WASF2: variants seen among roughly 807,000 people sequenced by gnomAD.
WASF2 encodes the protein actin-binding protein WASF2.
A neutral mutation model predicts 45.0 loss-of-function variants in WASF2; 14 were observed. The ratio of observed to expected loss-of-function variants is 0.31; its 90% CI spans 0.21 to 0.49. The LOEUF is 0.49. Among genes scored for constraint, WASF2 ranks in the 20% least tolerant of loss-of-function variants. The pLI, the probability that WASF2 is intolerant of heterozygous loss-of-function variation, is 0.99. For synonymous variants in WASF2, 200 were observed against 236.3 expected (o/e 0.85, Z 1.41); for missense variants, 439 against 636.1 (o/e 0.69, Z 3.33).
At chr1:27,474,720 C>T (rs1030380008) in intron 1 of WASF2, among the ~76,000 whole-genome samples, 16 of 151,388 alleles carry the variant, frequency 1.1e-4, no homozygotes, top group Admixed American at 6.6e-5. Context: ...TGCAGTGAGC[C>T]GAGATCATGC....
In WASF2 at chr1:27,419,002, C is replaced by T. The variant is rs748393155; in HGVS notation, c.217G>A (p.Asp73Asn). The T allele has an allele frequency of 2.6e-5, 42 of 1,613,780 alleles. No individual in the cohort carries two copies. Among genetic ancestry groups the T allele is most frequent in the East Asian group, 8.9e-5 (4 of 44,882 alleles). ...SRVSSLAERV[D>N]RLQVKVTQLD... is the part of the protein sequence containing the mutation. ...TGAGTGACTTTAACCTGTAGTCGGT[C>T]GACCCTCTCAGCAAGGGAGCTTACC... The change falls in exon 3 of 9, where the codon GAC becomes AAC. Residue 73 changes from aspartate to asparagine, a missense_variant. Physicochemically the swap from Asp to Asn is conservative, Grantham distance 23. Transcript: ENST00000618852.
At chr1:27,489,904 G>A (rs377311802) in intron 1 of WASF2, 82 bp downstream of exon 1, 19 of 152,214 alleles carry the variant, frequency 1.2e-4, no homozygotes, top group African/African-American at 4.6e-4. Flanking sequence ...AGTCCCCCGA[G>A]ACCCTGCACG....
chr1:27,422,674 T>C (rs1433119277), intron 2 of WASF2, among the ~76,000 whole-genome samples: 3 of 150,520 alleles, frequency 2.0e-5, no homozygotes, highest in African/African-American at 7.3e-5. Flanking sequence ...CTATTTATAC[T>C]CGTGTACTCA....
At chr1:27,453,662 G>C (rs990475552) in intron 1 of WASF2, among the ~76,000 whole-genome samples, 2 of 150,416 alleles carry the variant, frequency 1.3e-5, no homozygotes, top group Admixed American at 1.3e-4. Flanking sequence ...GGAGGCCAAG[G>C]CAGAAGGATC....
In WASF2 at chr1:27,473,721, A is replaced by T. The variant is rs148629010; in HGVS notation, c.-44+16265T>A. ...ATCACCAAACTTCTAAAGAAAGACC[A>T]AAACACTTCCAATATTAAACACTGA... On this transcript the variant is annotated intron_variant, in intron 1 of 8. Coordinates refer to ENST00000618852, the MANE Select transcript of WASF2 (RefSeq NM_006990.5). Among the ~76,000 whole-genome samples the T allele has an allele frequency of 2.7e-3, 412 of 152,364 alleles. 14 individuals are homozygous for T. The highest frequency in any genetic ancestry group is 0.018 in the Admixed American group (269 of 15,304).
At chr1:27,467,592 C>T (rs1022147376) in intron 1 of WASF2, among the ~76,000 whole-genome samples, 1 of 151,252 alleles carries the variant, frequency 6.6e-6, no homozygotes, top group Non-Finnish European at 1.5e-5. Flanking sequence ...TGAGCCACCA[C>T]GCCTAGCCAA....
chr1:27,454,185 ATATTTTTTT>A (rs1262121248), intron 1 of WASF2, among the ~76,000 whole-genome samples: 18 of 7,956 alleles, frequency 2.3e-3, no homozygotes, highest in African/African-American at 5.3e-3. Context: ...ATATATATAT[ATATTTTTTT>A]TTTTTTTTTT....
chr1:27,434,424 G>A (rs2017104804), intron 1 of WASF2, among the ~76,000 whole-genome samples: 1 of 152,176 alleles, frequency 6.6e-6, no homozygotes, highest in African/African-American at 2.4e-5. Context: ...TACCCAAGCT[G>A]CCATGATCTC....
rs548212135 is a variant in WASF2 at position 27,466,747 on chromosome 1, G to C, written c.-44+23239C>G. ...CTGGGTGTGGTGGTGCATGCCTGTA[G>C]TCCTAGCTACTTGGGAGGCTGAGGT... On this transcript the variant is annotated intron_variant, in intron 1 of 8. Transcript: ENST00000618852. Among the ~76,000 whole-genome samples, 275 of 152,044 alleles carry C rather than the reference G, an allele frequency of 1.8e-3. 1 individual carries two copies. The highest frequency in any genetic ancestry group is 6.1e-3 in the African/African-American group (253 of 41,482).
In WASF2 at chr1:27,418,437, A is replaced by G; in HGVS notation, c.266-15T>C. The G allele has an allele frequency of 6.2e-7, 1 of 1,614,210 alleles. No homozygotes were observed. The highest frequency in any genetic ancestry group is 8.5e-7 in the Non-Finnish European group (1 of 1,180,016). ...TTGCAGTGACACTGAGAGAAGATGGAAGGCGTTAGAAAATGGACGACAGGC... is the reference window on the plus strand; with the variant it reads ...TTGCAGTGACACTGAGAGAAGATGGGAGGCGTTAGAAAATGGACGACAGGC... On this transcript the variant is annotated splice_polypyrimidine_tract_variant and intron_variant, in intron 3 of 8. Transcript: ENST00000618852.
At chr1:27,477,911 T>TAAAA (rs1182335929) in intron 1 of WASF2, among the ~76,000 whole-genome samples, 1 of 118,964 alleles carries the variant, frequency 8.4e-6, no homozygotes, top group Admixed American at 8.2e-5. Flanking sequence ...AAAAAAAAAA[T>TAAAA]AAATAAATAA....
intron 1 of WASF2, among the ~76,000 whole-genome samples, chr1:27,439,930 G>A (rs772196599): frequency 6.6e-6 from 1 of 152,160 alleles, no homozygotes; most frequent in Admixed American, 6.5e-5. Flanking sequence ...AACGCGGGAC[G>A]TTGAAGCTGC....
rs2504765 is a variant in WASF2 at position 27,414,637 on chromosome 1, T to C, written c.668+196A>G. On this transcript the variant is annotated intron_variant, in intron 6 of 8. Transcript: ENST00000618852. The surrounding 1 kb of genome is among the most constrained non-coding windows in gnomAD (Gnocchi z 4.1). ...ACCACTCCAATCACCTCATTTAAAT[T>C]GCTGAATCTCTTGATTTATTTAGCA... 0.76 allele frequency among the ~76,000 whole-genome samples: 115,460 copies of C among 152,092 alleles called. 46,750 individuals carry two copies. Among genetic ancestry groups the C allele is most frequent in the Non-Finnish European group, 0.9 (61,277 of 68,018 alleles).
chr1:27,443,298 A>G (rs1384843822), intron 1 of WASF2, among the ~76,000 whole-genome samples: 1 of 120,120 alleles, frequency 8.3e-6, no homozygotes, highest in African/African-American at 3.3e-5. Context: ...AGAGCAAGAC[A>G]CCGTCTCTTA....
At chr1:27,438,323 T>TA (rs751882142) in intron 1 of WASF2, among the ~76,000 whole-genome samples, 1 of 152,194 alleles carries the variant, frequency 6.6e-6, no homozygotes, top group Non-Finnish European at 1.5e-5. Context: ...GTCAAGGTAT[T>TA]AGAGTACCCA....
At chr1:27,481,317 A>G (rs527929202) in intron 1 of WASF2, among the ~76,000 whole-genome samples, 1 of 152,116 alleles carries the variant, frequency 6.6e-6, no homozygotes, top group Admixed American at 6.5e-5. Flanking sequence ...AAAATAACGC[A>G]TGTGTGTATA....
chr1:27,418,112 A>C (rs1481465219), intron 4 of WASF2, among the ~76,000 whole-genome samples, 157 bp downstream of exon 4: 1 of 152,168 alleles, frequency 6.6e-6, no homozygotes, highest in Non-Finnish European at 1.5e-5. Flanking sequence ...TTATGGTGTA[A>C]ATTTTAGTTT....
At chr1:27,471,925 G>A (rs1160033219) in intron 1 of WASF2, among the ~76,000 whole-genome samples, 1 of 152,138 alleles carries the variant, frequency 6.6e-6, no homozygotes, top group African/African-American at 2.4e-5. Flanking sequence ...CTACCTAGTA[G>A]TTCAAACTTT....
intron 1 of WASF2, among the ~76,000 whole-genome samples, chr1:27,447,274 T>C (rs1329290408): frequency 6.6e-6 from 1 of 152,176 alleles, no homozygotes; most frequent in African/African-American, 2.4e-5. Context: ...AAGGTATCAA[T>C]GGGCCATGTT....
Sources: gnomAD v4.1 joint callset for allele counts (sites outside exome capture counted in the v4.1 genomes callset) on GRCh38, gnomAD v4.1.1 for gene constraint, Gnocchi (gnomAD v3.1) non-coding constraint, MANE v1.5 for transcripts, NCBI Gene and HGNC (gene_info 2026-07-23, HGNC 2026-07-21) for gene names.